ANKRD24: variants seen among roughly 807,000 people sequenced by gnomAD.
The protein encoded by ANKRD24 is ankyrin repeat domain 24, also known as ankyrin repeat domain-containing protein 24.
Under a neutral mutation model 127.8 loss-of-function variants are expected in ANKRD24, and 109 were observed. The ratio of observed to expected loss-of-function variants is 0.85; its 90% CI spans 0.73 to 1.00. The LOEUF (loss-of-function observed/expected upper bound fraction) is 1.00, where lower values mean the gene tolerates loss of function less well. Among genes scored for constraint, ANKRD24 ranks in the 50% least tolerant of loss-of-function variants. The probability of loss-of-function intolerance (pLI) is 0.00; values close to 1 mark genes in which losing one functional copy is unlikely to be tolerated. For synonymous variants in ANKRD24, 743 were observed against 671.1 expected, an observed-to-expected ratio of 1.11 and a Z score of -1.66; for missense variants, 1,648 against 1,570.2, an observed-to-expected ratio of 1.05 and a Z score of -0.84.
rs1395246431 is a variant in ANKRD24 at position 4,216,162 on chromosome 19, C to T, written c.1270+112C>T. 18 of 1,402,350 alleles carry T rather than the reference C, an allele frequency of 1.3e-5. 1 individual carries two copies. In the African/African-American group the frequency reaches 2.3e-4, roughly 18 times the overall value. The allele number at this position is 1,402,350 out of a possible 1,614,324, so 86.9% of individuals were successfully genotyped here. On this transcript the variant is annotated intron_variant, in intron 16 of 21. Coordinates refer to ENST00000318934, the MANE Select transcript of ANKRD24 (RefSeq NM_001393985.1). ...AGCTGGGAGGGAGGTTTGTACTCAT[C>T]CGTTTTTTAAATTCTGCTTGGCTGA...
rs1166274233 is a variant in ANKRD24 at position 4,212,649 on chromosome 19, G to A, written c.1148G>A (p.Ser383Asn). Residue 383 changes from serine (S) to asparagine (N), a missense_variant, in exon 15 of 22, where the codon AGC (serine) becomes AAC (asparagine). Coordinates refer to ENST00000318934, the MANE Select transcript of ANKRD24 (RefSeq NM_001393985.1). The part of the protein sequence containing the change: ...LLVERQEEKE[S>N]LGREVESLQS... ...GTGGAGAGACAAGAGGAGAAGGAGA[G>A]CCTGGGACGGGAGGTGGAGAGTTTG... 3.9e-6 allele frequency: 6 copies of A among 1,551,208 alleles called. No individual in the cohort carries two copies. The highest frequency in any genetic ancestry group is 1.4e-5 in the African/African-American group (1 of 73,030).
intron 20 of ANKRD24, 81 bp downstream of exon 20, chr19:4,222,876 G>A: frequency 7.1e-7 from 1 of 1,415,234 alleles, no homozygotes; most frequent in Non-Finnish European, 9.3e-7. Flanking sequence ...CAGCGCAGGT[G>A]GGAATCCCAG....
chr19:4,203,172 CG>C (rs1384958889), intron 7 of ANKRD24, among the ~76,000 whole-genome samples: 1 of 151,802 alleles, frequency 6.6e-6, no homozygotes, highest in East Asian at 1.9e-4. Flanking sequence ...CTCAGCCTCC[CG>C]AGTAGCTGGG....
At chr19:4,191,254 A>T (rs1007632451) in intron 2 of ANKRD24, among the ~76,000 whole-genome samples, 2 of 151,998 alleles carry the variant, frequency 1.3e-5, no homozygotes, top group Non-Finnish European at 2.9e-5. Context: ...GCCGGAGTCA[A>T]GTTCAGCTTT....
chr19:4,195,506 G>A lies in ANKRD24; in HGVS notation c.37-4177G>A, dbSNP rs1968674723. Among the ~76,000 whole-genome samples the A allele has an allele frequency of 1.3e-5, 2 of 152,150 alleles. No individual in the cohort carries two copies. The highest frequency in any genetic ancestry group is 4.8e-5 in the African/African-American group (2 of 41,434). On this transcript the variant is annotated intron_variant, in intron 2 of 21. Transcript: ENST00000318934. This position sits in a 1 kb window ranked among gnomAD's most constrained non-coding sequence, Gnocchi z 4.2. ...AGAGGACCTCCCCACCCCCAAGGGT[G>A]GAAGGAGAGAAGAGTTCCAAGGACA...
Position 4,198,547 on chromosome 19 carries a change from G to C in ANKRD24, c.37-1136G>C. The C allele has an allele frequency of 1.8e-6, 1 of 560,486 alleles. No individual in the cohort carries two copies. Among genetic ancestry groups the C allele is most frequent in the East Asian group, 3.4e-5 (1 of 29,114 alleles). 34.7% of individuals were successfully genotyped at this position (560,486 alleles called of 1,614,324 possible). On this transcript the variant is annotated intron_variant, in intron 2 of 21. Transcript: ENST00000318934. The surrounding 1 kb of genome is among the most constrained non-coding windows in gnomAD (Gnocchi z 6.1). ...CCTCCTTCGCGGTAGGGCCCGGGGA[G>C]GGGGCGCAGGAGCGGGCGGGGCGCG...
chr19:4,194,187 G>C (rs1487502931), intron 2 of ANKRD24, among the ~76,000 whole-genome samples: 2 of 152,142 alleles, frequency 1.3e-5, no homozygotes, highest in Non-Finnish European at 2.9e-5. Context: ...TTCCGAGATG[G>C]AGTCTGGCTC....
Position 4,210,251 on chromosome 19 carries a change from G to C in ANKRD24, c.952-14G>C, listed in dbSNP as rs777978861. ...TTAGGCCCCATCTAAAGGCCGTGGT[G>C]GGGAGGGGAACAGGATGATCGAGAT... On this transcript the variant is annotated splice_polypyrimidine_tract_variant and intron_variant, in intron 12 of 21. Coordinates refer to ENST00000318934, the MANE Select transcript of ANKRD24 (RefSeq NM_001393985.1). 21 of 1,573,038 alleles carry C rather than the reference G, an allele frequency of 1.3e-5. No homozygotes were observed.
intron 2 of ANKRD24, among the ~76,000 whole-genome samples, chr19:4,196,655 G>C (rs540221121): frequency 6.6e-6 from 1 of 152,204 alleles, no homozygotes; most frequent in Non-Finnish European, 1.5e-5. Flanking sequence ...GATTACAGGC[G>C]TGAGCCACCG....
intron 2 of ANKRD24, 99 bp downstream of exon 2, chr19:4,186,560 C>A: frequency 1.5e-6 from 2 of 1,340,818 alleles, no homozygotes; most frequent in Non-Finnish European, 2.1e-6. Context: ...CCAGTACCCA[C>A]CTCTTCTCCT....
At chr19:4,207,640 A>G in intron 9 of ANKRD24, 33 bp downstream of exon 9, 1 of 1,606,318 alleles carries the variant, frequency 6.2e-7, no homozygotes, top group African/African-American at 1.3e-5. Context: ...AGTCCACCCT[A>G]TGCTGTGTGA....
chr19:4,216,676 G>C lies in ANKRD24; in HGVS notation c.1516G>C (p.Ala506Pro), dbSNP rs1970093277. ...FDQLRRQHAE[A>P]LQALRQQETR... The stretch of plus-strand genomic sequence containing the variant: ...CCAGCTACGCAGGCAGCACGCTGAG[G>C]CCCTGCAGGCCCTGAGGCAGCAGGA... Residue 506 changes from alanine (A) to proline (P), a missense_variant, in exon 18 of 22, where the codon GCC becomes CCC. Physicochemically the swap from Ala to Pro is conservative, Grantham distance 27 (BLOSUM62 -1). Coordinates refer to ENST00000318934, the MANE Select transcript of ANKRD24 (RefSeq NM_001393985.1). 2 of 1,590,626 alleles carry C rather than the reference G, an allele frequency of 1.3e-6. No homozygotes were observed. The highest frequency in any genetic ancestry group is 4.6e-5 in the East Asian group (2 of 43,702).
rs1327443586 is a variant in ANKRD24, at chr19:4,216,558, G to A, written c.1398G>A (p.Glu466=). ...QELMEKVQIL[E]NFEKDETQME... The stretch of plus-strand genomic sequence containing the variant: ...CCCACTCCACTCCCCAGATCCTGGA[G>A]AACTTTGAGAAGGACGAGACACAGA... Residue 466 remains glutamate (E), a synonymous_variant, in exon 18 of 22, where the codon GAG becomes GAA. Coordinates refer to ENST00000318934, the MANE Select transcript of ANKRD24 (RefSeq NM_001393985.1). 1.2e-6 allele frequency: 2 copies of A among 1,607,428 alleles called. No individual in the cohort carries two copies. Among genetic ancestry groups the A allele is most frequent in the East Asian group, 4.5e-5 (2 of 44,690 alleles).
intron 11 of ANKRD24, among the ~76,000 whole-genome samples, chr19:4,209,585 G>C (rs1969588733): frequency 6.6e-6 from 1 of 152,056 alleles, no homozygotes; most frequent in Non-Finnish European, 1.5e-5. Flanking sequence ...TAGTAGCTGG[G>C]ACTACAGGCG....
intron 2 of ANKRD24, among the ~76,000 whole-genome samples, chr19:4,192,506 C>T (rs925090491): frequency 1.3e-5 from 2 of 151,524 alleles, no homozygotes; most frequent in African/African-American, 2.4e-5. Flanking sequence ...CCACCGCGCC[C>T]GGCCAGGCCT....
At chr19:4,182,965 T>TTGTGTGTGTGTGTG (rs57280997) in intron 1 of ANKRD24, among the ~76,000 whole-genome samples, 16,344 of 138,414 alleles carry the variant, frequency 0.12, 1,228 homozygotes, top group Admixed American at 0.2. Flanking sequence ...AATATCTCAT[T>TTGTGTGTGTGTGTG]TGTGTGTGTG....
Position 4,200,190 on chromosome 19 carries a change from C to A in ANKRD24, c.343+19C>A. ...GGGGCAGGTACTGCCAGCTGGGCCC[C>A]GGGGAGGGAGGAGGAACTAAGCCCA... On this transcript the variant is annotated intron_variant, in intron 5 of 21. Transcript: ENST00000318934. 6.3e-7 allele frequency: 1 copy of A among 1,578,766 alleles called. No individual in the cohort carries two copies. Among genetic ancestry groups the A allele is most frequent in the East Asian group, 2.3e-5 (1 of 43,270 alleles).
In ANKRD24 at chr19:4,183,272, G is replaced by A. The variant is rs200490859; in HGVS notation, c.-37+532G>A. On this transcript the variant is annotated intron_variant, in intron 1 of 21. Transcript: ENST00000318934. ...TGGGATTACAGGCGTGAGCCACTGCGTCCGGCCAAGTTATCTGAGTATCAT... is the reference window on the plus strand; with the variant it reads ...TGGGATTACAGGCGTGAGCCACTGCATCCGGCCAAGTTATCTGAGTATCAT... 1.8e-5 allele frequency: 18 copies of A among 984,882 alleles called. No homozygotes were observed. The East Asian group carries it at 1.1e-3, about 62-fold the overall frequency. The allele number at this position is 984,882 out of a possible 1,614,324, so 61.0% of individuals were successfully genotyped here.
At chr19:4,205,885 G>T (rs1969351059) in intron 7 of ANKRD24, among the ~76,000 whole-genome samples, 1 of 151,874 alleles carries the variant, frequency 6.6e-6, no homozygotes. Flanking sequence ...GCTCACGCCT[G>T]TAATCCCAGC....
Sources: gnomAD v4.1 joint callset for allele counts (sites outside exome capture counted in the v4.1 genomes callset) on GRCh38, gnomAD v4.1.1 for gene constraint, Gnocchi (gnomAD v3.1) non-coding constraint, MANE v1.5 for transcripts, NCBI Gene and HGNC (gene_info 2026-07-23, HGNC 2026-07-21) for gene names.